Variants in CHCHD6 observed in about 807,000 individuals in gnomAD.
CHCHD6 encodes the protein coiled-coil-helix-coiled-coil-helix domain containing 6.
In CHCHD6, 28 loss-of-function variants were observed where a neutral mutation model predicts 32.3. The observed-to-expected ratio is 0.87, with a 90% CI of 0.64 to 1.19. The LOEUF (loss-of-function observed/expected upper bound fraction) is 1.19. Among genes scored for constraint, CHCHD6 ranks in the 50% most tolerant of loss-of-function variants. The probability of loss-of-function intolerance (pLI) is 0.00; values close to 1 mark genes in which losing one functional copy is unlikely to be tolerated. For synonymous variants in CHCHD6, 122 were observed against 117.5 expected (o/e 1.04, Z -0.25); for missense variants, 333 against 307.0 (o/e 1.08, Z -0.63).
At chr3:126,943,990 A>G (rs1429119648) in intron 6 of CHCHD6, among the ~76,000 whole-genome samples, 4 of 152,268 alleles carry the variant, frequency 2.6e-5, no homozygotes, top group African/African-American at 9.6e-5. Context: ...TGAAACTCCT[A>G]GAAGATAACA....
At chr3:126,750,103 G>C (rs1936667681) in intron 4 of CHCHD6, among the ~76,000 whole-genome samples, 1 of 152,162 alleles carries the variant, frequency 6.6e-6, no homozygotes, top group South Asian at 2.1e-4. Flanking sequence ...CCATACCTGG[G>C]CTTGAATCAT....
chr3:126,845,031 C>T (rs1011454503), intron 4 of CHCHD6, among the ~76,000 whole-genome samples: 1 of 152,164 alleles, frequency 6.6e-6, no homozygotes, highest in Non-Finnish European at 1.5e-5. Flanking sequence ...CAAATAAGAC[C>T]TGTTTGAGAC....
At chr3:126,877,292 G>T (rs147856181) in intron 5 of CHCHD6, among the ~76,000 whole-genome samples, 1 of 151,956 alleles carries the variant, frequency 6.6e-6, no homozygotes, top group Non-Finnish European at 1.5e-5. Flanking sequence ...GTGGTGGCTC[G>T]CACCTGTAAT....
intron 5 of CHCHD6, among the ~76,000 whole-genome samples, chr3:126,906,147 C>T (rs2078002249): frequency 6.6e-6 from 1 of 152,172 alleles, no homozygotes. Context: ...CACCCATTGT[C>T]TCCTCTATGT....
intron 5 of CHCHD6, among the ~76,000 whole-genome samples, chr3:126,857,249 C>T (rs1211292723): frequency 6.6e-6 from 1 of 152,110 alleles, no homozygotes; most frequent in African/African-American, 2.4e-5. Flanking sequence ...TAGAGGACCT[C>T]CCAGCTCTGT....
chr3:126,921,205 G>A (rs1359044273), intron 6 of CHCHD6, among the ~76,000 whole-genome samples: 1 of 152,126 alleles, frequency 6.6e-6, no homozygotes, highest in East Asian at 1.9e-4. Flanking sequence ...CTGTACTGAG[G>A]CCTGGATCAA....
At chr3:126,868,494 G>A (rs2077419412) in intron 5 of CHCHD6, among the ~76,000 whole-genome samples, 1 of 151,858 alleles carries the variant, frequency 6.6e-6, no homozygotes, top group African/African-American at 2.4e-5. Flanking sequence ...ACATGTTCAT[G>A]TAGGAAAAAA....
At chr3:126,907,027 T>A (rs2078017871) in intron 5 of CHCHD6, among the ~76,000 whole-genome samples, 1 of 152,154 alleles carries the variant, frequency 6.6e-6, no homozygotes, top group African/African-American at 2.4e-5. Flanking sequence ...GGGGTACATA[T>A]GCCCAGCAGC....
chr3:126,778,417 C>T lies in CHCHD6; in HGVS notation c.411+45195C>T, dbSNP rs1004071013. Among the ~76,000 whole-genome samples, 9 of 152,326 alleles carry T rather than the reference C, an allele frequency of 5.9e-5. No homozygotes were observed. The South Asian group carries it at 1.9e-3, about 32-fold the overall frequency. On this transcript the variant is annotated intron_variant, in intron 4 of 7. Transcript: ENST00000290913. ...CAATGTGTGAGGGTTCCAGTTTCTC[C>T]ACATCTTCACCAACGCTTGTCTTTT...
chr3:126,954,198 A>G (rs911031073), intron 6 of CHCHD6, among the ~76,000 whole-genome samples: 38 of 152,198 alleles, frequency 2.5e-4, no homozygotes, highest in African/African-American at 9.2e-4. Flanking sequence ...CACGGGCGAT[A>G]CTGGCAAGGA....
intron 4 of CHCHD6, among the ~76,000 whole-genome samples, chr3:126,799,051 T>C (rs766850945): frequency 6.4e-4 from 97 of 152,222 alleles, no homozygotes; most frequent in Non-Finnish European, 1.1e-3. Flanking sequence ...CCATGGCTCC[T>C]GGACTTTTGC....
intron 5 of CHCHD6, among the ~76,000 whole-genome samples, chr3:126,869,854 T>C (rs1336139578): frequency 6.6e-6 from 1 of 152,256 alleles, no homozygotes; most frequent in African/African-American, 2.4e-5. Flanking sequence ...AATTGTGTTT[T>C]GGATCTGTAC....
chr3:126,727,197 T>A lies in CHCHD6; in HGVS notation c.196+11T>A, dbSNP rs376036346. ...GAGCCCCTCACAAAGGTATGGGGAT[T>A]GTGACAGTTCTGTGGAGTGTGGAGA... On this transcript the variant is annotated intron_variant, in intron 2 of 7. Transcript: ENST00000290913. 4 of 1,565,308 alleles carry A rather than the reference T, an allele frequency of 2.6e-6. No individual in the cohort carries two copies. The highest frequency in any genetic ancestry group is 2.6e-6 in the Non-Finnish European group (3 of 1,135,704).
At chr3:126,818,274 A>T (rs1311896524) in intron 4 of CHCHD6, among the ~76,000 whole-genome samples, 1 of 152,052 alleles carries the variant, frequency 6.6e-6, no homozygotes, top group Admixed American at 6.5e-5. Flanking sequence ...CTTCCTCCAT[A>T]AATATACTTT....
intron 4 of CHCHD6, among the ~76,000 whole-genome samples, chr3:126,750,950 G>T (rs888058863): frequency 2.0e-5 from 3 of 152,196 alleles, no homozygotes; most frequent in African/African-American, 7.2e-5. Context: ...AAGGGCAGTT[G>T]GTGCCCCGTG....
chr3:126,914,628 A>G (rs2078143005), intron 5 of CHCHD6, 52 bp from the exon 6 acceptor site: 5 of 985,452 alleles, frequency 5.1e-6, no homozygotes, highest in Non-Finnish European at 8.2e-6. Context: ...CCCATTAGAG[A>G]GCAGAGGGAA....
intron 6 of CHCHD6, among the ~76,000 whole-genome samples, chr3:126,936,018 T>A (rs949275463): frequency 6.6e-6 from 1 of 152,230 alleles, no homozygotes; most frequent in Non-Finnish European, 1.5e-5. Context: ...TGGCCGCTCC[T>A]ATGGAATGTA....
At chr3:126,863,403 C>T (rs1942042710) in intron 5 of CHCHD6, among the ~76,000 whole-genome samples, 5 of 137,926 alleles carry the variant, frequency 3.6e-5, no homozygotes, top group Non-Finnish European at 6.3e-5. Flanking sequence ...CCTCCTCCTC[C>T]TCCTCTACCA....
intron 5 of CHCHD6, among the ~76,000 whole-genome samples, chr3:126,908,998 C>A (rs1197738396): frequency 6.6e-6 from 1 of 152,222 alleles, no homozygotes; most frequent in African/African-American, 2.4e-5. Flanking sequence ...CCTGTGCTGC[C>A]GCTCTGTTCT....
Sources: gnomAD v4.1 joint callset for allele counts (sites outside exome capture counted in the v4.1 genomes callset) on GRCh38, gnomAD v4.1.1 for gene constraint, MANE v1.5 for transcripts, NCBI Gene and HGNC (gene_info 2026-07-23, HGNC 2026-07-21) for gene names.